The following INSL6 variants were observed in gnomAD, a reference collection of about 807,000 sequenced individuals.
INSL6 encodes insulin like 6.
INSL6 carries 16 observed loss-of-function variants against 9.4 expected under a neutral mutation model. The observed-to-expected ratio is 1.70, with a 90% confidence interval of 1.15 to 2.59. INSL6 has a LOEUF of 2.59. INSL6 is among the 30% of genes most tolerant of loss of function. INSL6 has a pLI of 0.00. For synonymous variants in INSL6, 154 were observed against 96.9 expected (o/e 1.59, Z -3.46); for missense variants, 391 against 257.3 (o/e 1.52, Z -3.56).
In INSL6 at chr9:5,164,241, A is replaced by G. The variant is rs754591383; in HGVS notation, c.314T>C (p.Val105Ala). 2.2e-5 allele frequency: 35 copies of G among 1,606,234 alleles called. No individual in the cohort carries two copies. Among genetic ancestry groups the G allele is most frequent in the Non-Finnish European group, 2.7e-5 (32 of 1,177,094 alleles). ...NPVSTSWEEAVNSWEMQSLPE... is the reference protein window; with the variant it reads ...NPVSTSWEEAANSWEMQSLPE... ...TAGTGACTGCATTTCCCAACTGTTT[A>G]CTGCTTCTTCCCAAGAAGTAGACAC... The change falls in exon 2 of 2, where the codon GTA (valine) becomes GCA (alanine). Residue 105 changes from valine (V) to alanine (A), a missense_variant. Val to Ala is a moderately conservative substitution (Grantham distance 64). Coordinates refer to ENST00000381641, the MANE Select transcript of INSL6 (RefSeq NM_007179.3).
the INSL6 span, among the ~76,000 whole-genome samples, chr9:5,009,268 A>T: frequency 6.6e-6 from 1 of 152,196 alleles, no homozygotes; most frequent in Non-Finnish European, 1.5e-5. Context: ...AGGAAATGCA[A>T]AAGAGGCAAA....
chr9:5,079,284 TTGTC>T, the INSL6 span, among the ~76,000 whole-genome samples: 1 of 152,034 alleles, frequency 6.6e-6, no homozygotes, highest in African/African-American at 2.4e-5. Context: ...ATCAATCTAT[TTGTC>T]TGTCTGTCTA....
the INSL6 span, chr9:5,073,820 C>G: frequency 7.6e-7 from 1 of 1,311,172 alleles, no homozygotes; most frequent in Non-Finnish European, 1.1e-6. Context: ...ATGCCTTTCT[C>G]AGAGCATCTG....
the INSL6 span, among the ~76,000 whole-genome samples, chr9:5,036,225 G>C: frequency 6.6e-6 from 1 of 152,098 alleles, no homozygotes; most frequent in South Asian, 2.1e-4. Flanking sequence ...TGAAGTAAAA[G>C]AGGATACAAA....
the INSL6 span, chr9:5,113,619 C>G: frequency 6.2e-6 from 1 of 161,346 alleles, no homozygotes; most frequent in Non-Finnish European, 1.4e-5. Context: ...GATGCCACCT[C>G]CATGAACCTG....
the INSL6 span, among the ~76,000 whole-genome samples, chr9:5,052,663 G>A: frequency 6.6e-6 from 1 of 151,968 alleles, no homozygotes; most frequent in Non-Finnish European, 1.5e-5. Context: ...CTTTCCCCCA[G>A]CCTCTGGAAA....
the INSL6 span, chr9:5,090,963 TTTA>T: frequency 8.1e-7 from 1 of 1,238,602 alleles, no homozygotes; most frequent in Non-Finnish European, 1.1e-6. Flanking sequence ...GACTTCAAAC[TTTA>T]TTGTTGTTAT....
At chr9:5,002,125 CAA>C in the INSL6 span, among the ~76,000 whole-genome samples, 2 of 151,758 alleles carry the variant, frequency 1.3e-5, no homozygotes, top group African/African-American at 4.8e-5. Context: ...TTTCTAAAAA[CAA>C]AGTTTTGGTT....
chr9:5,090,719 G>T, the INSL6 span: 1 of 1,569,812 alleles, frequency 6.4e-7, no homozygotes, highest in Non-Finnish European at 8.6e-7. Flanking sequence ...CTAGCTGAAA[G>T]AAAAATGTTT....
the INSL6 span, chr9:5,041,534 C>G: frequency 3.7e-6 from 2 of 540,098 alleles, no homozygotes; most frequent in African/African-American, 3.8e-5. Context: ...TCGAAGTGCT[C>G]TGCGAGAACT....
At chr9:5,156,684 G>A (rs537309943) in intron 2 of INSL6, among the ~76,000 whole-genome samples, 1 of 152,188 alleles carries the variant, frequency 6.6e-6, no homozygotes, top group Non-Finnish European at 1.5e-5. Flanking sequence ...GCAATGCAAT[G>A]AGTCAATAAA....
chr9:4,998,847 T>C, the INSL6 span, among the ~76,000 whole-genome samples: 4 of 152,138 alleles, frequency 2.6e-5, no homozygotes, highest in African/African-American at 7.2e-5. Flanking sequence ...AGTTCTTTTT[T>C]TGAGATGGAG....
At chr9:5,027,893 A>G in the INSL6 span, among the ~76,000 whole-genome samples, 1 of 152,152 alleles carries the variant, frequency 6.6e-6, no homozygotes, top group Non-Finnish European at 1.5e-5. Context: ...TTCTCTTGTT[A>G]CTTCTACCAC....
At chr9:5,001,900 G>A in the INSL6 span, among the ~76,000 whole-genome samples, 2 of 151,734 alleles carry the variant, frequency 1.3e-5, no homozygotes, top group Non-Finnish European at 2.9e-5. Context: ...TGTCAGTTTT[G>A]GTAATTTTTG....
At chr9:5,060,818 C>T in the INSL6 span, among the ~76,000 whole-genome samples, 3 of 152,168 alleles carry the variant, frequency 2.0e-5, no homozygotes, top group African/African-American at 7.2e-5. Flanking sequence ...TCTATTTACC[C>T]AGCTCCATCA....
At chr9:5,126,757 G>A (rs775495966) in intron 3 of INSL6, 7 of 1,610,108 alleles carry the variant, frequency 4.3e-6, no homozygotes, top group East Asian at 2.2e-5. Context: ...CTAGCTCTTC[G>A]AGTGGATCAA....
At chr9:5,021,067 T>A in the INSL6 span, among the ~76,000 whole-genome samples, 1 of 151,872 alleles carries the variant, frequency 6.6e-6, no homozygotes, top group Non-Finnish European at 1.5e-5. Flanking sequence ...ATTGCAGGAG[T>A]TTGCAGTGAA....
the INSL6 span, among the ~76,000 whole-genome samples, chr9:5,017,340 G>A: frequency 6.6e-6 from 1 of 152,188 alleles, no homozygotes; most frequent in Non-Finnish European, 1.5e-5. Context: ...ACAATCCAAA[G>A]TCAGTGGTGG....
chr9:5,131,369 G>T (rs1824277613), intron 3 of INSL6, among the ~76,000 whole-genome samples: 1 of 150,258 alleles, frequency 6.7e-6, no homozygotes, highest in East Asian at 1.9e-4. Flanking sequence ...GTTGTTTACA[G>T]AATCAAAGAC....
Sources: gnomAD v4.1 joint callset for allele counts (sites outside exome capture counted in the v4.1 genomes callset) on GRCh38, gnomAD v4.1.1 for gene constraint, MANE v1.5 for transcripts, NCBI Gene and HGNC (gene_info 2026-07-23, HGNC 2026-07-21) for gene names.